The following SPRY3 variants were observed in gnomAD, a reference collection of about 807,000 sequenced individuals.
The protein encoded by SPRY3 is sprouty RTK signaling antagonist 3.
A neutral mutation model predicts 20.2 loss-of-function variants in SPRY3; 15 were observed. That is an observed-to-expected ratio of 0.74 (90% CI 0.50 to 1.14). The LOEUF is 1.14. Ranked by LOEUF, SPRY3 falls within the 50% of genes most tolerant of loss-of-function variation. SPRY3 has a pLI of 0.00. For missense variants in SPRY3, 364 were observed against 363.9 expected (o/e 1.00, Z 0.00); for synonymous variants, 143 against 136.5 (o/e 1.05, Z -0.33).
At chrX:155,697,781 G>A (rs1393089356) in intron 2 of SPRY3, among the ~76,000 whole-genome samples, 2 of 109,925 alleles carry the variant, frequency 1.8e-5, no homozygotes, top group Non-Finnish European at 3.8e-5. Flanking sequence ...GGCAGGAAGA[G>A]TAGATGAGGT....
At chrX:155,741,720 C>G (rs2091205224) in intron 2 of SPRY3, among the ~76,000 whole-genome samples, 1 of 152,168 alleles carries the variant, frequency 6.6e-6, no homozygotes, top group South Asian at 2.1e-4. Context: ...AAAAGAATTT[C>G]CAACCCAGAA....
intron 2 of SPRY3, among the ~76,000 whole-genome samples, chrX:155,715,047 A>G (rs1165119329): frequency 6.6e-6 from 1 of 152,102 alleles, no homozygotes; most frequent in Non-Finnish European, 1.5e-5. Flanking sequence ...AGGGACTCCA[A>G]CAGTGTGATT....
At chrX:155,652,886 C>A (rs1291281612) in intron 1 of SPRY3, among the ~76,000 whole-genome samples, 1 of 111,783 alleles carries the variant, frequency 8.9e-6, no homozygotes, top group East Asian at 2.8e-4. Context: ...TTGTTATTTT[C>A]TGCCATTATT....
At chrX:155,728,605 G>C (rs967404765) in intron 2 of SPRY3, among the ~76,000 whole-genome samples, 2 of 152,210 alleles carry the variant, frequency 1.3e-5, no homozygotes, top group Non-Finnish European at 2.9e-5. Context: ...GTGGGCATGG[G>C]AACTGCCAAG....
chrX:155,642,016 G>A (rs2067943571), intron 1 of SPRY3, among the ~76,000 whole-genome samples: 1 of 112,731 alleles, frequency 8.9e-6, no homozygotes, highest in Non-Finnish European at 1.9e-5. Context: ...AAGTCCTGTT[G>A]CAGAAAATGA....
At chrX:155,776,751 G>A (rs1198622829) in exon 4 of SPRY3, 1 of 166,980 alleles carries the variant, frequency 6.0e-6, no homozygotes, top group East Asian at 1.9e-4. Context: ...AGTACACGGG[G>A]GGAAGAGGGG....
chrX:155,696,114 C>T (rs766228824), intron 2 of SPRY3, among the ~76,000 whole-genome samples: 17 of 110,066 alleles, frequency 1.5e-4, no homozygotes, highest in South Asian at 1.2e-3. Context: ...GAAAATTTAA[C>T]GGGGAACTTG....
chrX:155,642,310 A>G (rs1182123688), intron 1 of SPRY3, among the ~76,000 whole-genome samples: 2 of 111,999 alleles, frequency 1.8e-5, no homozygotes, highest in Non-Finnish European at 3.8e-5. Context: ...AAAATCCTTC[A>G]AACGTCTATC....
intron 1 of SPRY3, among the ~76,000 whole-genome samples, chrX:155,647,497 C>A (rs1253354459): frequency 3.6e-5 from 4 of 109,985 alleles, no homozygotes; most frequent in African/African-American, 1.3e-4. Context: ...TGATGTTCCC[C>A]ACCCTGTGCC....
intron 2 of SPRY3, among the ~76,000 whole-genome samples, chrX:155,758,146 G>A (rs773105177): frequency 2.0e-5 from 3 of 152,084 alleles, no homozygotes; most frequent in Admixed American, 6.5e-5. Flanking sequence ...TCATTTATTC[G>A]TTCAACCAAT....
intron 2 of SPRY3, among the ~76,000 whole-genome samples, chrX:155,693,983 T>C (rs1274278662): frequency 2.7e-5 from 3 of 111,722 alleles, no homozygotes; most frequent in Non-Finnish European, 3.8e-5. Flanking sequence ...ATTTTTATTT[T>C]TTGTAGAGAC....
At chrX:155,715,010 G>T (rs2091012272) in intron 2 of SPRY3, among the ~76,000 whole-genome samples, 1 of 152,114 alleles carries the variant, frequency 6.6e-6, no homozygotes, top group Non-Finnish European at 1.5e-5. Flanking sequence ...GTCCAGAAAT[G>T]CTGTCTAAGA....
intron 2 of SPRY3, among the ~76,000 whole-genome samples, chrX:155,705,797 A>G: frequency 6.6e-6 from 1 of 151,432 alleles, no homozygotes; most frequent in South Asian, 2.1e-4. Context: ...GAAGGGATCA[A>G]CTCTCCAAAA....
intron 2 of SPRY3, among the ~76,000 whole-genome samples, chrX:155,718,245 C>T (rs918732440): frequency 6.6e-6 from 1 of 151,932 alleles, no homozygotes; most frequent in Non-Finnish European, 1.5e-5. Flanking sequence ...TTTTTAAATA[C>T]GATTTGATAA....
chrX:155,645,144 C>T (rs1276122573), intron 1 of SPRY3, among the ~76,000 whole-genome samples: 1 of 111,619 alleles, frequency 9.0e-6, no homozygotes, highest in Non-Finnish European at 1.9e-5. Flanking sequence ...GGAGTTAGGG[C>T]CTCACAACTC....
intron 3 of SPRY3, among the ~76,000 whole-genome samples, chrX:155,769,942 G>C (rs1480478092): frequency 6.6e-6 from 1 of 152,156 alleles, no homozygotes; most frequent in Non-Finnish European, 1.5e-5. Flanking sequence ...TTTTTGCACA[G>C]AGAGGGATTT....
chrX:155,697,778 A>G (rs373649985), intron 2 of SPRY3, among the ~76,000 whole-genome samples: 8 of 109,968 alleles, frequency 7.3e-5, no homozygotes, highest in African/African-American at 2.7e-4. Flanking sequence ...TTGGGCAGGA[A>G]GAGTAGATGA....
At chrX:155,767,643 G>C (rs2091342413) in intron 2 of SPRY3, among the ~76,000 whole-genome samples, 3 of 148,154 alleles carry the variant, frequency 2.0e-5, no homozygotes, top group Admixed American at 1.4e-4. Flanking sequence ...AGGGGGAGGG[G>C]GAAGAGAAAC....
intron 2 of SPRY3, among the ~76,000 whole-genome samples, chrX:155,687,043 G>A (rs2068089748): frequency 8.9e-6 from 1 of 112,802 alleles, no homozygotes; most frequent in African/African-American, 3.2e-5. Context: ...GAATTGTGAT[G>A]TTTTTTCATA....
Sources: allele counts gnomAD v4.1 joint callset (sites outside exome capture counted in the v4.1 genomes callset), GRCh38; gene constraint gnomAD v4.1.1; transcripts MANE v1.5; gene names NCBI Gene and HGNC (gene_info 2026-07-23, HGNC 2026-07-21).